Variants in SORT1 observed in about 807,000 individuals in gnomAD.
The protein encoded by SORT1 is sortilin.
SORT1 carries 39 observed loss-of-function variants against 101.7 expected under a neutral mutation model. That is an observed-to-expected ratio of 0.38 (90% CI 0.30 to 0.50). SORT1 has a LOEUF of 0.50. SORT1 is among the 20% of genes least tolerant of loss of function. The probability of loss-of-function intolerance (pLI) is 0.90; values close to 1 mark genes in which losing one functional copy is unlikely to be tolerated. For synonymous variants in SORT1, 396 were observed against 393.7 expected, an observed-to-expected ratio of 1.01 and a Z score of -0.07; for missense variants, 878 against 1,040.4, an observed-to-expected ratio of 0.84 and a Z score of 2.15.
rs746250444 is a variant in SORT1 at position 109,397,737 on chromosome 1, G to T, written c.156C>A (p.Gly52=). 17 of 1,197,252 alleles carry T rather than the reference G, an allele frequency of 1.4e-5. No individual in the cohort carries two copies. The South Asian group carries it at 3.8e-4, about 26-fold the overall frequency. The allele number at this position is 1,197,252 out of a possible 1,614,324, so 74.2% of individuals were successfully genotyped here. A position where few individuals can be genotyped will look rare whatever the true frequency, so the allele number is the denominator to read the frequency against. ...GCAGCCCCCAGCTCACCCCGATGGGGCCAGACCAGCGCGGCAGCGGCGCAG... is the reference window on the plus strand; with the variant it reads ...GCAGCCCCCAGCTCACCCCGATGGGTCCAGACCAGCGCGGCAGCGGCGCAG... The part of the protein sequence containing the change: ...PPAAPLPRWS[G]PIGVSWGLRA... Residue 52 remains glycine, a synonymous_variant, in exon 1 of 20, where the codon GGC becomes GGA. Coordinates refer to ENST00000256637, the MANE Select transcript of SORT1 (RefSeq NM_002959.7).
intron 1 of SORT1, among the ~76,000 whole-genome samples, chr1:109,384,339 A>G (rs1652436931): frequency 6.6e-6 from 1 of 152,238 alleles, no homozygotes; most frequent in South Asian, 2.1e-4. Context: ...GTCTAATATT[A>G]GAAATCTGCT....
chr1:109,323,298 C>T lies in SORT1; in HGVS notation c.1835-177G>A, dbSNP rs189552068. On this transcript the variant is annotated intron_variant, in intron 14 of 19. Coordinates refer to ENST00000256637, the MANE Select transcript of SORT1 (RefSeq NM_002959.7). ...CACTAGTCTAGAGCCTACTAGCAAT[C>T]GCATTTCCTCATGCCAAAAGAGTAT... is the stretch of plus-strand genomic sequence containing the variant. 1.7e-3 allele frequency among the ~76,000 whole-genome samples: 255 copies of T among 152,330 alleles called. 1 individual carries two copies. Among genetic ancestry groups the T allele is most frequent in the Non-Finnish European group, 3.1e-3 (211 of 68,026 alleles).
At chr1:109,365,648 C>A (rs994727371) in intron 3 of SORT1, among the ~76,000 whole-genome samples, 1 of 152,154 alleles carries the variant, frequency 6.6e-6, no homozygotes, top group Non-Finnish European at 1.5e-5. Context: ...GAAGCCAAGA[C>A]ATTCATTCAT....
At chr1:109,367,854 G>T (rs575405492) in intron 2 of SORT1, among the ~76,000 whole-genome samples, 4 of 152,190 alleles carry the variant, frequency 2.6e-5, no homozygotes, top group Non-Finnish European at 5.9e-5. Flanking sequence ...ACTGTGTCAT[G>T]TATGTCTGTC....
intron 10 of SORT1, among the ~76,000 whole-genome samples, chr1:109,337,800 A>G (rs904847702): frequency 1.3e-5 from 2 of 151,990 alleles, no homozygotes; most frequent in African/African-American, 2.4e-5. Flanking sequence ...GCTAATTTGT[A>G]TTTTTAGTAC....
chr1:109,378,868 T>C (rs1652045227), intron 1 of SORT1, among the ~76,000 whole-genome samples: 1 of 150,318 alleles, frequency 6.7e-6, no homozygotes, highest in Non-Finnish European at 1.5e-5. Context: ...CCAGGCATGA[T>C]GGCTCACACC....
At chr1:109,340,146 CAA>C (rs34790280) in intron 10 of SORT1, among the ~76,000 whole-genome samples, 1,717 of 96,272 alleles carry the variant, frequency 0.018, 8 homozygotes, top group Non-Finnish European at 0.024. Flanking sequence ...GATTCCATCT[CAA>C]AAAAAAAAAA....
At chr1:109,315,802 G>GAGTATTTTTTTGTAAA in intron 17 of SORT1, among the ~76,000 whole-genome samples, 2 of 144,388 alleles carry the variant, frequency 1.4e-5, no homozygotes, top group Non-Finnish European at 3.0e-5. Flanking sequence ...CTGTCACCCA[G>GAGTATTTTTTTGTAAA]GCTGGAGTGC....
chr1:109,316,611 A>G (rs975658577), intron 17 of SORT1, among the ~76,000 whole-genome samples: 3 of 152,190 alleles, frequency 2.0e-5, no homozygotes, highest in African/African-American at 4.8e-5. Context: ...GAATTTTACA[A>G]CTTTACAGAA....
chr1:109,336,891 T>A (rs529230679), intron 10 of SORT1, among the ~76,000 whole-genome samples: 1 of 152,260 alleles, frequency 6.6e-6, no homozygotes, highest in South Asian at 2.1e-4. Context: ...TATTTAGGAC[T>A]GATACTCTTT....
rs1194554003 is a variant in SORT1, at chr1:109,353,306, C to T, written c.708+1061G>A. Reference sequence around the variant, plus strand: ...TTGAGCCATTGCACTCCAGCCTGGGCAAGAAGAGCAAAACTCTGTCTCAAA... The same window carrying T: ...TTGAGCCATTGCACTCCAGCCTGGGTAAGAAGAGCAAAACTCTGTCTCAAA... On this transcript the variant is annotated intron_variant, in intron 5 of 19. Transcript: ENST00000256637. Among the ~76,000 whole-genome samples the T allele has an allele frequency of 1.8e-3, 181 of 100,642 alleles. 1 individual carries two copies. The highest frequency in any genetic ancestry group is 7.7e-5 in the Non-Finnish European group (4 of 51,630). The allele number at this position is 100,642 out of a possible 152,430, so 66.0% of individuals were successfully genotyped here. A position where few individuals can be genotyped will look rare whatever the true frequency, so the allele number is the denominator to read the frequency against.
chr1:109,312,046 G>T lies in SORT1; in HGVS notation c.*1997C>A, dbSNP rs1658759880. On this transcript the variant is annotated 3_prime_UTR_variant, in exon 20 of 20. Coordinates refer to ENST00000256637, the MANE Select transcript of SORT1 (RefSeq NM_002959.7). The stretch of plus-strand genomic sequence containing the variant: ...AAGAGCCCTATCGTATATGGTTAGA[G>T]AAGAATATTGAGTTTCCTACGTCTT... 1 of 151,928 alleles carries T rather than the reference G, an allele frequency of 6.6e-6. No homozygotes were observed. Among genetic ancestry groups the T allele is most frequent in the Admixed American group, 6.6e-5 (1 of 15,246 alleles). The allele number at this position is 151,928 out of a possible 1,614,324, so 9.4% of individuals were successfully genotyped here.
At chr1:109,356,788 C>T (rs1415173056) in intron 3 of SORT1, among the ~76,000 whole-genome samples, 1 of 152,212 alleles carries the variant, frequency 6.6e-6, no homozygotes, top group African/African-American at 2.4e-5. Flanking sequence ...GTATTCGAAT[C>T]CATGTTTAGA....
intron 4 of SORT1, among the ~76,000 whole-genome samples, 176 bp downstream of exon 4, chr1:109,355,191 A>G (rs1322705312): frequency 6.6e-6 from 1 of 152,188 alleles, no homozygotes; most frequent in Non-Finnish European, 1.5e-5. Flanking sequence ...ACTGCACTCC[A>G]GCCTGGGAGA....
intron 1 of SORT1, among the ~76,000 whole-genome samples, chr1:109,388,748 C>T (rs1652730701): frequency 6.6e-6 from 1 of 152,072 alleles, no homozygotes; most frequent in Non-Finnish European, 1.5e-5. Flanking sequence ...TTCACAATGA[C>T]CCTAAGAGGT....
chr1:109,339,700 A>G (rs1438916916), intron 10 of SORT1, among the ~76,000 whole-genome samples: 1 of 152,216 alleles, frequency 6.6e-6, no homozygotes, highest in African/African-American at 2.4e-5. Flanking sequence ...AGAAACATGG[A>G]ATTATCATGT....
At chr1:109,353,861 C>G (rs761513852) in intron 5 of SORT1, among the ~76,000 whole-genome samples, 2 of 152,134 alleles carry the variant, frequency 1.3e-5, no homozygotes, top group Non-Finnish European at 2.9e-5. Context: ...GGGAAACACA[C>G]TGGTCTCTGG....
At chr1:109,337,201 T>A (rs1217775067) in intron 10 of SORT1, among the ~76,000 whole-genome samples, 4 of 152,212 alleles carry the variant, frequency 2.6e-5, no homozygotes, top group African/African-American at 9.7e-5. Flanking sequence ...CTGTTGCAGG[T>A]TTTAAATTCA....
chr1:109,346,682 T>C (rs1040742027), intron 7 of SORT1, among the ~76,000 whole-genome samples: 1 of 149,736 alleles, frequency 6.7e-6, no homozygotes, highest in Non-Finnish European at 1.5e-5. Context: ...GAGGCGGAGC[T>C]TGCAGTGAGC....
Sources: gnomAD v4.1 joint callset for allele counts (sites outside exome capture counted in the v4.1 genomes callset) on GRCh38, gnomAD v4.1.1 for gene constraint, MANE v1.5 for transcripts, NCBI Gene and HGNC (gene_info 2026-07-23, HGNC 2026-07-21) for gene names.